SHROOM4: variants seen among roughly 807,000 people sequenced by gnomAD.
The protein encoded by SHROOM4 is protein Shroom4.
A neutral mutation model predicts 80.3 loss-of-function variants in SHROOM4; 17 were observed. That is an observed-to-expected ratio of 0.21 (90% CI 0.14 to 0.32). The LOEUF (loss-of-function observed/expected upper bound fraction) is 0.32. Ranked by LOEUF, SHROOM4 falls within the 10% of genes least tolerant of loss-of-function variation. SHROOM4 has a pLI of 1.00. For synonymous variants in SHROOM4, 400 were observed against 437.5 expected (o/e 0.91, Z 1.07); for missense variants, 993 against 1,140.3 (o/e 0.87, Z 1.86).
chrX:50,795,774 T>C (rs942136392), intron 1 of SHROOM4, among the ~76,000 whole-genome samples: 3 of 112,169 alleles, frequency 2.7e-5, no homozygotes, highest in African/African-American at 9.7e-5. Flanking sequence ...ATTTACTAAC[T>C]GTGAGACTCT....
chrX:50,689,181 T>C (rs1258381535), intron 2 of SHROOM4, among the ~76,000 whole-genome samples: 1 of 111,626 alleles, frequency 9.0e-6, no homozygotes. Flanking sequence ...AAAACCACTA[T>C]GTACCCCATA....
At chrX:50,636,861 A>T (rs1345232588) in intron 3 of SHROOM4, among the ~76,000 whole-genome samples, 1 of 111,928 alleles carries the variant, frequency 8.9e-6, no homozygotes, top group Non-Finnish European at 1.9e-5. Context: ...GGTCTTTTAA[A>T]TAGGAATAAT....
Position 50,722,674 on chromosome X carries a change from A to G in SHROOM4, c.118-26737T>C, listed in dbSNP as rs782304487. Among the ~76,000 whole-genome samples, 11 of 109,949 alleles carry G rather than the reference A, an allele frequency of 1.0e-4. No homozygotes were observed. In the South Asian group the frequency reaches 1.2e-3, roughly 12 times the overall value. On this transcript the variant is annotated intron_variant, in intron 1 of 8. Coordinates refer to ENST00000376020, the MANE Select transcript of SHROOM4 (RefSeq NM_020717.5). ...TCTCTCTCTCTCTCTCTCTCCATGA[A>G]TTTCTGAAATAGAACCCAGATGAAA...
rs151020929 is a variant in SHROOM4, at chrX:50,587,007, A to T, written c.*9688T>A. ...ATTAACTATAGAACTTATGCTGTACATGAGATCTCTAGATTTATACATCTT... is the reference window on the plus strand; with the variant it reads ...ATTAACTATAGAACTTATGCTGTACTTGAGATCTCTAGATTTATACATCTT... On this transcript the variant is annotated 3_prime_UTR_variant, in exon 9 of 9. Coordinates refer to ENST00000376020, the MANE Select transcript of SHROOM4 (RefSeq NM_020717.5). 0.011 allele frequency among the ~76,000 whole-genome samples: 1,257 copies of T among 111,963 alleles called. 16 individuals carry two copies. The highest frequency in any genetic ancestry group is 0.035 in the African/African-American group (1,067 of 30,795).
Position 50,593,133 on chromosome X carries a change from TG to T in SHROOM4, c.*3561del, listed in dbSNP as rs1928947569. The T allele has an allele frequency of 8.9e-6, 1 of 112,208 alleles. No homozygotes were observed. The highest frequency in any genetic ancestry group is 3.2e-5 in the African/African-American group (1 of 30,770). 9.2% of individuals were successfully genotyped at this position (112,208 alleles called of 1,213,427 possible). On this transcript the variant is annotated 3_prime_UTR_variant, in exon 9 of 9. Transcript: ENST00000376020. ...GCTATGGCAGATCCTGCTATTTAACTGGGGATGATGAATGGTATAGCATCAA... is the reference window on the plus strand; with the variant it reads ...GCTATGGCAGATCCTGCTATTTAACTGGGATGATGAATGGTATAGCATCAA...
intron 1 of SHROOM4, among the ~76,000 whole-genome samples, chrX:50,712,446 A>G (rs1933842110): frequency 8.9e-6 from 1 of 111,922 alleles, no homozygotes; most frequent in Admixed American, 9.5e-5. Flanking sequence ...TAACTGGATT[A>G]TTTGTAACTC....
At position 50,630,779 on chromosome X, in the gene SHROOM4, A is replaced by AAGG. The variant is rs201416798; in HGVS notation, c.2895+2398_2895+2399insCCT. Among the ~76,000 whole-genome samples, 16 of 111,843 alleles carry AAGG rather than the reference A, an allele frequency of 1.4e-4. No homozygotes were observed. The East Asian group carries it at 4.5e-3, about 31-fold the overall frequency. On this transcript the variant is annotated intron_variant, in intron 4 of 8. Transcript: ENST00000376020. ...AGTTGAAAACAACTATATCCCCATA[A>AAGG]ATTTTAAAATGTAAATGAAATGGAC...
At chrX:50,729,042 G>A (rs1483183784) in intron 1 of SHROOM4, among the ~76,000 whole-genome samples, 2 of 111,450 alleles carry the variant, frequency 1.8e-5, no homozygotes, top group Non-Finnish European at 3.8e-5. Context: ...ATTACTTAAA[G>A]CTGCTACACA....
In SHROOM4 at chrX:50,607,897, C is replaced by T. The variant is rs781987814; in HGVS notation, c.3245G>A (p.Ser1082Asn). ...AWGQHRRELF[S>N]KGDETQSDLL... Reference sequence around the variant, plus strand: ...ATCCGACTGGGTCTCATCACCTTTGCTAAAGAGCTCCCTCCTATGCTGCCC... The same window carrying T: ...ATCCGACTGGGTCTCATCACCTTTGTTAAAGAGCTCCCTCCTATGCTGCCC... The change falls in exon 6 of 9, where the codon AGC (serine) becomes AAC (asparagine). Residue 1082 changes from serine (S) to asparagine (N), a missense_variant. Ser to Asn is a conservative substitution (Grantham distance 46, BLOSUM62 1). Transcript: ENST00000376020. 4 of 1,210,561 alleles carry T rather than the reference C, an allele frequency of 3.3e-6. No homozygotes were observed. The highest frequency in any genetic ancestry group is 4.5e-6 in the Non-Finnish European group (4 of 894,677).
intron 1 of SHROOM4, among the ~76,000 whole-genome samples, chrX:50,728,251 C>T (rs1411305952): frequency 2.7e-5 from 3 of 111,075 alleles, no homozygotes; most frequent in Non-Finnish European, 5.7e-5. Flanking sequence ...CCCAGCTACT[C>T]AGGAGGCTGA....
chrX:50,806,996 A>G (rs1259986789), intron 1 of SHROOM4, among the ~76,000 whole-genome samples: 1 of 112,364 alleles, frequency 8.9e-6, no homozygotes, highest in Non-Finnish European at 1.9e-5. Context: ...GTGTAATTTA[A>G]TCAATGATAC....
intron 1 of SHROOM4, among the ~76,000 whole-genome samples, chrX:50,777,650 A>G (rs1235228935): frequency 8.9e-6 from 1 of 111,981 alleles, no homozygotes; most frequent in African/African-American, 3.2e-5. Flanking sequence ...GTGTGATCTC[A>G]AATATATATT....
intron 1 of SHROOM4, among the ~76,000 whole-genome samples, chrX:50,747,291 T>G (rs1212820332): frequency 4.5e-5 from 5 of 112,018 alleles, no homozygotes; most frequent in Non-Finnish European, 9.4e-5. Context: ...ACCCTGTATT[T>G]TTATTGCTTT....
intron 1 of SHROOM4, among the ~76,000 whole-genome samples, chrX:50,719,753 T>C (rs782343964): frequency 2.0e-4 from 23 of 112,473 alleles, no homozygotes; most frequent in African/African-American, 6.1e-4. Flanking sequence ...ACTCTGAATA[T>C]ATGTGTTTGT....
rs146948553 is a variant in SHROOM4 at position 50,675,538 on chromosome X, G to A, written c.269+20248C>T. On this transcript the variant is annotated intron_variant, in intron 2 of 8. Transcript: ENST00000376020. ...AGGAGGAGAGGGCATTCTTGTTTCT[G>A]GATGGGGGGAAAGTATTAAAACATA... Among the ~76,000 whole-genome samples the A allele has an allele frequency of 1.1e-3, 121 of 110,809 alleles. 1 individual carries two copies. In the East Asian group the frequency reaches 0.028, roughly 26 times the overall value.
rs782659789 is a variant in SHROOM4, at chrX:50,598,523, C to T, written c.3955G>A (p.Glu1319Lys). Residue 1319 changes from glutamate to lysine, a missense_variant, in exon 8 of 9, where the codon GAA (glutamate) becomes AAA (lysine). Coordinates refer to ENST00000376020, the MANE Select transcript of SHROOM4 (RefSeq NM_020717.5). The part of the protein sequence containing the change: ...ELAQKKIQLI[E>K]SISRKLSVLR... ...ACAGAAAGTTTTCTGCTGATGCTTTCGATAAGCTGTATCTAGGGGAATTAA... is the reference window on the plus strand; with the variant it reads ...ACAGAAAGTTTTCTGCTGATGCTTTTGATAAGCTGTATCTAGGGGAATTAA... The T allele has an allele frequency of 1.0e-5, 12 of 1,203,085 alleles. No individual in the cohort carries two copies. Among genetic ancestry groups the T allele is most frequent in the East Asian group, 8.9e-5 (3 of 33,524 alleles).
the SHROOM4 span, among the ~76,000 whole-genome samples, chrX:50,581,737 G>A: frequency 8.9e-6 from 1 of 111,764 alleles, no homozygotes; most frequent in Non-Finnish European, 1.9e-5. Context: ...ATGTATCTAT[G>A]CCCTAAGCTT....
At chrX:50,627,169 G>A (rs1222473477) in intron 5 of SHROOM4, among the ~76,000 whole-genome samples, 1 of 111,438 alleles carries the variant, frequency 9.0e-6, no homozygotes, top group African/African-American at 3.3e-5. Context: ...ATTTGAATGG[G>A]GTCTAGAATA....
chrX:50,731,321 C>T (rs1934366443), intron 1 of SHROOM4, among the ~76,000 whole-genome samples: 1 of 111,193 alleles, frequency 9.0e-6, no homozygotes, highest in African/African-American at 3.3e-5. Context: ...GCCTAGTGAT[C>T]TGGGGACTCC....
Sources: gnomAD v4.1 joint callset for allele counts (sites outside exome capture counted in the v4.1 genomes callset) on GRCh38, gnomAD v4.1.1 for gene constraint, MANE v1.5 for transcripts, NCBI Gene and HGNC (gene_info 2026-07-23, HGNC 2026-07-21) for gene names.